PCTP: variants seen among roughly 807,000 people sequenced by gnomAD.
PCTP encodes the protein phosphatidylcholine transfer protein, also known as START domain-containing protein 2.
A neutral mutation model predicts 31.0 loss-of-function variants in PCTP; 27 were observed. The ratio of observed to expected loss-of-function variants is 0.87; its 90% CI spans 0.64 to 1.20. The LOEUF is 1.20. Ranked by LOEUF, PCTP falls within the 50% of genes most tolerant of loss-of-function variation. PCTP has a pLI of 0.00. For missense variants in PCTP, 287 were observed against 268.2 expected (o/e 1.07, Z -0.49); for synonymous variants, 108 against 101.2 (o/e 1.07, Z -0.40).
At chr17:55,763,145 G>T (rs1910430331) in intron 1 of PCTP, among the ~76,000 whole-genome samples, 1 of 152,028 alleles carries the variant, frequency 6.6e-6, no homozygotes, top group African/African-American at 2.4e-5. Flanking sequence ...TAGTAAGCTT[G>T]GAAAAATAAA....
At chr17:55,764,161 G>A (rs1334184226) in intron 1 of PCTP, among the ~76,000 whole-genome samples, 1 of 152,182 alleles carries the variant, frequency 6.6e-6, no homozygotes, top group African/African-American at 2.4e-5. Context: ...CAGTGTAAGG[G>A]AACAGTGTGT....
At chr17:55,755,404 C>T (rs1909954976) in intron 1 of PCTP, among the ~76,000 whole-genome samples, 1 of 152,116 alleles carries the variant, frequency 6.6e-6, no homozygotes, top group Non-Finnish European at 1.5e-5. Flanking sequence ...TTAAATGATG[C>T]TGTAACAAAG....
At chr17:55,844,961 C>T (rs1906097226), downstream of PCTP, among the ~76,000 whole-genome samples, 1 of 151,330 alleles carries the variant, frequency 6.6e-6, no homozygotes, top group Non-Finnish European at 1.5e-5. Context: ...GTGGCACATA[C>T]CTGTAATCCC....
downstream of PCTP, among the ~76,000 whole-genome samples, chr17:55,843,577 T>A (rs1233905507): frequency 6.6e-6 from 1 of 152,210 alleles, no homozygotes; most frequent in African/African-American, 2.4e-5. Flanking sequence ...ACTGGATTTA[T>A]CTCTTCCTCC....
At chr17:55,823,202 A>AT (rs1395485214), downstream of PCTP, 1 of 155,782 alleles carries the variant, frequency 6.4e-6, no homozygotes, top group African/African-American at 2.4e-5. Flanking sequence ...TAGAATTTAA[A>AT]TTTTTCTCCT....
the PCTP span, among the ~76,000 whole-genome samples, chr17:55,849,745 C>T: frequency 6.6e-6 from 1 of 152,074 alleles, no homozygotes; most frequent in Admixed American, 6.6e-5. Flanking sequence ...TAAGACCAAA[C>T]ATAGACATAG....
downstream of PCTP, among the ~76,000 whole-genome samples, chr17:55,845,158 A>T (rs142513015): frequency 6.6e-6 from 1 of 150,858 alleles, no homozygotes. Flanking sequence ...TGCACTAAAC[A>T]TTTAATAAAT....
Position 55,751,067 on chromosome 17 carries a change from C to T in PCTP, c.-37C>T. ...AGGCCCACACTAAGGGTGTCCGCGG[C>T]CTGCCCTCCAGGCGGAGGAGCCCGG... On this transcript the variant is annotated 5_prime_UTR_variant, in exon 1 of 6. Coordinates refer to ENST00000268896, the MANE Select transcript of PCTP (RefSeq NM_021213.4). 10 of 1,491,370 alleles carry T rather than the reference C, an allele frequency of 6.7e-6. No individual in the cohort carries two copies. The South Asian group carries it at 9.2e-5, about 14-fold the overall frequency. 92.4% of individuals were successfully genotyped at this position (1,491,370 alleles called of 1,614,324 possible).
intron 2 of PCTP, among the ~76,000 whole-genome samples, chr17:55,782,873 A>T (rs1911609483): frequency 6.6e-6 from 1 of 152,152 alleles, no homozygotes; most frequent in South Asian, 2.1e-4. Context: ...CTTTCTATTA[A>T]ATGTATTTAT....
At chr17:55,783,907 T>C (rs1911654386) in intron 2 of PCTP, among the ~76,000 whole-genome samples, 1 of 152,186 alleles carries the variant, frequency 6.6e-6, no homozygotes, top group African/African-American at 2.4e-5. Flanking sequence ...TCCTCACCTC[T>C]CATTTTAGTT....
At chr17:55,789,928 A>G (rs1368154382) in intron 3 of PCTP, among the ~76,000 whole-genome samples, 1 of 152,228 alleles carries the variant, frequency 6.6e-6, no homozygotes, top group Admixed American at 6.5e-5. Context: ...AACCGAATCC[A>G]GCAGCACATC....
chr17:55,765,697 G>A (rs1020818673), intron 1 of PCTP, among the ~76,000 whole-genome samples: 5 of 152,140 alleles, frequency 3.3e-5, no homozygotes, highest in East Asian at 1.9e-4. Context: ...ACTGAATTAC[G>A]AATCAGATCT....
At chr17:55,788,223 T>C (rs1370757533) in intron 3 of PCTP, among the ~76,000 whole-genome samples, 1 of 152,204 alleles carries the variant, frequency 6.6e-6, no homozygotes, top group Non-Finnish European at 1.5e-5. Flanking sequence ...ATGCTAACTT[T>C]AACCTCTCCA....
In PCTP at chr17:55,836,089, T is replaced by C. The variant is rs139719671; in HGVS notation, n.506-6638T>C. ...GCAATAGGCTAGCAAATACCTATTG[T>C]GGTATAACATGACCCAACCTTGTAG... On this transcript the variant is annotated intron_variant and non_coding_transcript_variant, in intron 5 of 5. Coordinates refer to the PCTP transcript ENST00000576221. Among the ~76,000 whole-genome samples, 360 of 152,296 alleles carry C rather than the reference T, an allele frequency of 2.4e-3. 13 individuals are homozygous for C. The highest frequency in any genetic ancestry group is 0.021 in the Admixed American group (328 of 15,296).
At chr17:55,807,439 A>G (rs573910090) in intron 3 of PCTP, among the ~76,000 whole-genome samples, 22 of 152,172 alleles carry the variant, frequency 1.4e-4, no homozygotes, top group Non-Finnish European at 2.6e-4. Flanking sequence ...TTAGTTAAAC[A>G]TGGACTCTCC....
chr17:55,849,588 A>G, the PCTP span, among the ~76,000 whole-genome samples: 2 of 152,168 alleles, frequency 1.3e-5, no homozygotes, highest in South Asian at 4.1e-4. Flanking sequence ...GTGCCATTGC[A>G]CTCCAGCCTG....
intron 5 of PCTP, among the ~76,000 whole-genome samples, chr17:55,829,379 C>T (rs1054641252): frequency 5.3e-5 from 8 of 152,024 alleles, no homozygotes; most frequent in South Asian, 2.1e-4. Flanking sequence ...GGTGCGATCT[C>T]GGCTCACTGC....
At chr17:55,751,568 A>C in intron 1 of PCTP, 1 of 1,309,362 alleles carries the variant, frequency 7.6e-7, no homozygotes, top group Non-Finnish European at 1.0e-6. Context: ...TCTGCAAGGG[A>C]CGTTGATCCT....
chr17:55,830,983 C>T (rs1905575482), intron 5 of PCTP, among the ~76,000 whole-genome samples: 1 of 152,188 alleles, frequency 6.6e-6, no homozygotes, highest in African/African-American at 2.4e-5. Flanking sequence ...ACAGAAAACC[C>T]TCTTGCCAGC....
Sources: allele counts gnomAD v4.1 joint callset (sites outside exome capture counted in the v4.1 genomes callset), GRCh38; gene constraint gnomAD v4.1.1; transcripts MANE v1.5; gene names NCBI Gene and HGNC (gene_info 2026-07-23, HGNC 2026-07-21).